Variants in SOCS5 observed in about 807,000 individuals in gnomAD.
SOCS5 encodes the protein suppressor of cytokine signaling 5.
Under a neutral mutation model 42.8 loss-of-function variants are expected in SOCS5, and 32 were observed. The ratio of observed to expected loss-of-function variants is 0.75; its 90% CI spans 0.56 to 1.01. The LOEUF is 1.01. Among genes scored for constraint, SOCS5 ranks in the 50% least tolerant of loss-of-function variants. The pLI is 0.00. For missense variants in SOCS5, 627 were observed against 653.0 expected (o/e 0.96, Z 0.43); for synonymous variants, 283 against 229.6 (o/e 1.23, Z -2.10).
rs145627948 is a variant in SOCS5 at position 46,746,691 on chromosome 2, A to G, written c.-12-11828A>G. 5.0e-3 allele frequency among the ~76,000 whole-genome samples: 762 copies of G among 151,442 alleles called. 6 individuals are homozygous for G. The highest frequency in any genetic ancestry group is 0.01 in the Admixed American group (153 of 15,220). On this transcript the variant is annotated intron_variant, in intron 1 of 1. Transcript: ENST00000394861. ...ATCAGCCTGTCTCCTTTAAGGTTAT[A>G]TATTTTTGTTACATCTCTTTTAATT...
At chr2:46,748,980 G>T (rs1024139204) in intron 1 of SOCS5, among the ~76,000 whole-genome samples, 1 of 152,140 alleles carries the variant, frequency 6.6e-6, no homozygotes, top group Non-Finnish European at 1.5e-5. Flanking sequence ...TTCCTCAACT[G>T]AGAGTTGTTT....
At chr2:46,740,023 C>T (rs147452668) in intron 1 of SOCS5, among the ~76,000 whole-genome samples, 74 of 152,288 alleles carry the variant, frequency 4.9e-4, no homozygotes, top group Admixed American at 2.0e-3. Context: ...TTGTTAATAT[C>T]ATGTGGTATA....
At position 46,727,144 on chromosome 2, in the gene SOCS5, C is replaced by CTTTTTTT. The variant is rs759203329; in HGVS notation, c.-13+27711_-13+27717dup. Among the ~76,000 whole-genome samples the CTTTTTTT allele has an allele frequency of 3.1e-3, 269 of 86,426 alleles. 4 individuals are homozygous for CTTTTTTT. Among genetic ancestry groups the CTTTTTTT allele is most frequent in the Middle Eastern group, 0.029 (2 of 68 alleles). 56.7% of individuals were successfully genotyped at this position (86,426 alleles called of 152,430 possible). On this transcript the variant is annotated intron_variant, in intron 1 of 1. Transcript: ENST00000394861. Reference sequence around the variant, plus strand: ...GAGTGTTTTCCCTTGTTGGAGCCTTCTTTTTTTTTTTTTTTTTTTTTTGAA... The same window carrying CTTTTTTT: ...GAGTGTTTTCCCTTGTTGGAGCCTTCTTTTTTTTTTTTTTTTTTTTTTTTTTTTTGAA...
At chr2:46,703,196 A>G (rs1347047030) in intron 1 of SOCS5, among the ~76,000 whole-genome samples, 8 of 152,216 alleles carry the variant, frequency 5.3e-5, no homozygotes, top group East Asian at 1.9e-4. Context: ...CTCGAAAGCA[A>G]TGTTACTGTA....
Position 46,759,811 on chromosome 2 carries a change from T to C in SOCS5, c.1281T>C (p.His427=), listed in dbSNP as rs1179917689. ...TCCGCCGCTACAACAGATCCCTGCA[T>C]GCCCGAATTGAGCAGTGGAATCACA... ...VSFRRYNRSL[H]ARIEQWNHNF... Residue 427 remains histidine, a synonymous_variant, in exon 2 of 2, where the codon CAT becomes CAC. Transcript: ENST00000394861. The C allele has an allele frequency of 3.7e-6, 6 of 1,614,092 alleles. No individual in the cohort carries two copies. The highest frequency in any genetic ancestry group is 5.1e-6 in the Non-Finnish European group (6 of 1,180,044).
chr2:46,748,210 C>G (rs1673548580), intron 1 of SOCS5, among the ~76,000 whole-genome samples: 1 of 139,278 alleles, frequency 7.2e-6, no homozygotes, highest in Non-Finnish European at 1.5e-5. Flanking sequence ...TTTTTTGACA[C>G]AGTCTCACTC....
chr2:46,725,669 G>GT (rs1672975279), intron 1 of SOCS5, among the ~76,000 whole-genome samples: 1 of 151,542 alleles, frequency 6.6e-6, no homozygotes, highest in Non-Finnish European at 1.5e-5. Flanking sequence ...CTGTTTTTTT[G>GT]TTTTTTGTTT....
chr2:46,714,723 A>G (rs1008083763), intron 1 of SOCS5, among the ~76,000 whole-genome samples: 58 of 152,300 alleles, frequency 3.8e-4, no homozygotes, highest in African/African-American at 1.3e-3. Flanking sequence ...GGTTTAGACC[A>G]TTTGCACTTA....
At position 46,699,955 on chromosome 2, in the gene SOCS5, G is replaced by A. The variant is rs1385922286; in HGVS notation, c.-13+506G>A. ...AAGATCCTCTTGGGGATGAGGGAGG[G>A]AACCAATGAGTACATATGTGGGAAA... On this transcript the variant is annotated intron_variant, in intron 1 of 1. Transcript: ENST00000394861. This position sits in a 1 kb window ranked among gnomAD's most constrained non-coding sequence, Gnocchi z 4.8. 6.6e-6 allele frequency among the ~76,000 whole-genome samples: 1 copy of A among 152,200 alleles called. No homozygotes were observed. The highest frequency in any genetic ancestry group is 6.5e-5 in the Admixed American group (1 of 15,306).
chr2:46,702,322 T>A (rs970097907), intron 1 of SOCS5, among the ~76,000 whole-genome samples: 13 of 152,240 alleles, frequency 8.5e-5, no homozygotes, highest in African/African-American at 2.9e-4. Context: ...GGGTACTTGG[T>A]ACAAATGATG....
chr2:46,711,781 G>A (rs1408511467), intron 1 of SOCS5, among the ~76,000 whole-genome samples: 1 of 152,144 alleles, frequency 6.6e-6, no homozygotes, highest in Non-Finnish European at 1.5e-5. Flanking sequence ...TGTGTATTGT[G>A]TATTGGTTAA....
At chr2:46,704,382 A>G (rs1173889860) in intron 1 of SOCS5, among the ~76,000 whole-genome samples, 1 of 152,174 alleles carries the variant, frequency 6.6e-6, no homozygotes, top group African/African-American at 2.4e-5. Context: ...AACAATGAGA[A>G]CTCCAATGAT....
At chr2:46,758,471 T>A in intron 1 of SOCS5, 48 bp from the exon 2 acceptor site, 1 of 1,347,550 alleles carries the variant, frequency 7.4e-7, no homozygotes, top group Non-Finnish European at 1.0e-6. Context: ...TACCTTCACA[T>A]GCTACTTTGA....
At chr2:46,748,566 G>C (rs1308312236) in intron 1 of SOCS5, among the ~76,000 whole-genome samples, 1 of 151,904 alleles carries the variant, frequency 6.6e-6, no homozygotes, top group Non-Finnish European at 1.5e-5. Flanking sequence ...TTCTTTCTTT[G>C]TTTCTTTCTT....
chr2:46,719,215 T>G (rs1199690888), intron 1 of SOCS5, among the ~76,000 whole-genome samples: 1 of 152,188 alleles, frequency 6.6e-6, no homozygotes, highest in Non-Finnish European at 1.5e-5. Flanking sequence ...TAGTGAATGA[T>G]AAAAGCAGGA....
intron 1 of SOCS5, among the ~76,000 whole-genome samples, chr2:46,727,939 GA>G (rs1161079623): frequency 1.4e-5 from 2 of 146,952 alleles, no homozygotes; most frequent in African/African-American, 2.5e-5. Context: ...GTACAGAGAG[GA>G]AAAAAAAGTT....
rs1016858554 is a variant in SOCS5 at position 46,725,478 on chromosome 2, G to C, written c.-13+26029G>C. ...TGCTGTCTTTTGAGTTATTTAAACA[G>C]TTTTTAGTACTCTATTTTAACATAA... On this transcript the variant is annotated intron_variant, in intron 1 of 1. Transcript: ENST00000394861. Among the ~76,000 whole-genome samples the C allele has an allele frequency of 1.3e-5, 2 of 151,882 alleles. 1 individual carries two copies. The highest frequency in any genetic ancestry group is 1.3e-4 in the Admixed American group (2 of 15,252).
intron 1 of SOCS5, among the ~76,000 whole-genome samples, chr2:46,734,327 G>GA (rs1355990677): frequency 1.3e-5 from 2 of 152,082 alleles, no homozygotes; most frequent in Non-Finnish European, 2.9e-5. Context: ...AACCCTTTGA[G>GA]AGGGGTCAGA....
At position 46,741,730 on chromosome 2, in the gene SOCS5, T is replaced by G. The variant is rs897990434; in HGVS notation, c.-12-16789T>G. 3.9e-5 allele frequency among the ~76,000 whole-genome samples: 6 copies of G among 152,230 alleles called. No individual in the cohort carries two copies. In the East Asian group the frequency reaches 1.2e-3, roughly 29 times the overall value. ...ATTAAATGCCCCAGAAACATGGTTTTTTATGTCTATTATTTCAGCATGTAA... is the reference window on the plus strand; with the variant it reads ...ATTAAATGCCCCAGAAACATGGTTTGTTATGTCTATTATTTCAGCATGTAA... On this transcript the variant is annotated intron_variant, in intron 1 of 1. Transcript: ENST00000394861.
Sources: gnomAD v4.1 joint callset for allele counts (sites outside exome capture counted in the v4.1 genomes callset) on GRCh38, gnomAD v4.1.1 for gene constraint, Gnocchi (gnomAD v3.1) non-coding constraint, MANE v1.5 for transcripts, NCBI Gene and HGNC (gene_info 2026-07-23, HGNC 2026-07-21) for gene names.